Variants in CTNNA2 observed in about 807,000 individuals in gnomAD.
The protein encoded by CTNNA2 is catenin alpha 2, also known as catenin alpha-2.
A neutral mutation model predicts 101.0 loss-of-function variants in CTNNA2; 42 were observed. The ratio of observed to expected loss-of-function variants is 0.42; its 90% CI spans 0.32 to 0.54. The LOEUF (loss-of-function observed/expected upper bound fraction) is 0.54, where lower values mean the gene tolerates loss of function less well. Ranked by LOEUF, CTNNA2 falls within the 20% of genes least tolerant of loss-of-function variation. CTNNA2 has a pLI of 0.14. For missense variants in CTNNA2, 871 were observed against 1,223.1 expected (o/e 0.71, Z 4.29); for synonymous variants, 450 against 456.4 (o/e 0.99, Z 0.18).
chr2:79,225,951 C>G (rs560559906), intron 2 of CTNNA2, among the ~76,000 whole-genome samples: 166 of 152,186 alleles, frequency 1.1e-3, no homozygotes, highest in African/African-American at 3.7e-3. Flanking sequence ...AAATTAATGT[C>G]TCATTTTAAA....
intron 6 of CTNNA2, among the ~76,000 whole-genome samples, chr2:79,901,419 C>G (rs183766697): frequency 6.6e-6 from 1 of 152,020 alleles, no homozygotes; most frequent in Non-Finnish European, 1.5e-5. Context: ...ATCCAGGACA[C>G]ATTTGTCTTA....
intron 8 of CTNNA2, among the ~76,000 whole-genome samples, chr2:80,403,881 C>G (rs10188248): frequency 0.023 from 3,522 of 152,142 alleles, 80 homozygotes; most frequent in African/African-American, 0.055. Context: ...TGATGTTTGT[C>G]TTTAGTTCTG....
intron 7 of CTNNA2, among the ~76,000 whole-genome samples, chr2:80,133,681 C>T (rs988988277): frequency 6.6e-6 from 1 of 152,144 alleles, no homozygotes; most frequent in African/African-American, 2.4e-5. Context: ...TTTACAGAGT[C>T]GCAAAATAGC....
chr2:79,571,350 AGTT>A (rs1675448832), intron 1 of CTNNA2, among the ~76,000 whole-genome samples: 1 of 152,126 alleles, frequency 6.6e-6, no homozygotes. Context: ...AAGGGACTAT[AGTT>A]AATTGTCTTC....
chr2:79,945,867 A>G (rs1325981465), intron 7 of CTNNA2, among the ~76,000 whole-genome samples: 1 of 152,176 alleles, frequency 6.6e-6, no homozygotes, highest in East Asian at 1.9e-4. Flanking sequence ...CAAGTGCTTC[A>G]GTGTTCATTT....
At chr2:80,072,063 T>TATAG (rs1424466534) in intron 7 of CTNNA2, among the ~76,000 whole-genome samples, 1 of 152,160 alleles carries the variant, frequency 6.6e-6, no homozygotes, top group Non-Finnish European at 1.5e-5. Flanking sequence ...AGCTGGAGTC[T>TATAG]ATAGATAGAC....
intron 8 of CTNNA2, among the ~76,000 whole-genome samples, chr2:80,395,926 G>A (rs559833601): frequency 2.8e-4 from 43 of 152,206 alleles, no homozygotes; most frequent in African/African-American, 9.6e-4. Context: ...ATCATGTCCC[G>A]CTCTTTCAGT....
intron 7 of CTNNA2, among the ~76,000 whole-genome samples, chr2:79,911,515 C>A (rs536286274): frequency 8.5e-5 from 13 of 152,302 alleles, no homozygotes; most frequent in African/African-American, 3.1e-4. Context: ...AGAATCCTGC[C>A]AACTAGAAGT....
At chr2:79,254,124 A>G (rs191554946) in intron 2 of CTNNA2, among the ~76,000 whole-genome samples, 30 of 152,332 alleles carry the variant, frequency 2.0e-4, no homozygotes, top group Admixed American at 1.3e-3. Context: ...GGGGATCACA[A>G]TGGTACCTTG....
intron 12 of CTNNA2, among the ~76,000 whole-genome samples, chr2:80,573,663 C>T (rs915795618): frequency 6.6e-6 from 1 of 152,156 alleles, no homozygotes; most frequent in Admixed American, 6.6e-5. Context: ...ATGACTGTAA[C>T]ATCCGATATT....
chr2:79,468,746 C>T (rs1670966147), intron 4 of CTNNA2, among the ~76,000 whole-genome samples: 1 of 152,174 alleles, frequency 6.6e-6, no homozygotes, highest in Non-Finnish European at 1.5e-5. Flanking sequence ...CACTCAACTA[C>T]ATGGAAACTG....
chr2:79,776,675 A>G (rs1299637448), intron 3 of CTNNA2, among the ~76,000 whole-genome samples: 2 of 152,228 alleles, frequency 1.3e-5, no homozygotes. Flanking sequence ...CAATGAAACA[A>G]TGGCATCATA....
At chr2:80,589,123 G>A (rs1386771275) in intron 14 of CTNNA2, among the ~76,000 whole-genome samples, 181 bp from the exon 15 acceptor site, 1 of 152,086 alleles carries the variant, frequency 6.6e-6, no homozygotes, top group Admixed American at 6.6e-5. Context: ...GGGACTTTGG[G>A]GAGCTTATCA....
chr2:80,540,596 C>CAA (rs201536941), intron 9 of CTNNA2, among the ~76,000 whole-genome samples: 2,300 of 132,678 alleles, frequency 0.017, 34 homozygotes, highest in African/African-American at 0.04. Flanking sequence ...GACTCCATCT[C>CAA]AAAAAAAAAA....
chr2:79,224,340 G>T (rs1240976811), intron 2 of CTNNA2, among the ~76,000 whole-genome samples: 1 of 151,956 alleles, frequency 6.6e-6, no homozygotes, highest in Non-Finnish European at 1.5e-5. Flanking sequence ...TATTTTCAAC[G>T]CTTTATCTTG....
At chr2:80,549,371 T>C (rs748008753) in intron 11 of CTNNA2, among the ~76,000 whole-genome samples, 45 of 152,212 alleles carry the variant, frequency 3.0e-4, no homozygotes, top group Non-Finnish European at 5.0e-4. Context: ...AAGTTTATTT[T>C]CTTTTAAAAA....
intron 3 of CTNNA2, among the ~76,000 whole-genome samples, chr2:79,812,422 G>T (rs1677117536): frequency 6.6e-6 from 1 of 152,054 alleles, no homozygotes; most frequent in Non-Finnish European, 1.5e-5. Flanking sequence ...GCATGTTTGA[G>T]GAGTCACTAG....
intron 9 of CTNNA2, among the ~76,000 whole-genome samples, chr2:80,514,874 G>T (rs1280583190): frequency 6.6e-6 from 1 of 152,106 alleles, no homozygotes; most frequent in African/African-American, 2.4e-5. Flanking sequence ...TATTCAAAAA[G>T]AACCAATCAG....
chr2:80,580,179 C>T (rs1257719203), intron 13 of CTNNA2, among the ~76,000 whole-genome samples: 1 of 152,142 alleles, frequency 6.6e-6, no homozygotes, highest in South Asian at 2.1e-4. Context: ...GTTAAGAAAC[C>T]TGCGTGAGTT....
Sources: gnomAD v4.1 joint callset for allele counts (sites outside exome capture counted in the v4.1 genomes callset) on GRCh38, gnomAD v4.1.1 for gene constraint, MANE v1.5 for transcripts, NCBI Gene and HGNC (gene_info 2026-07-23, HGNC 2026-07-21) for gene names.